Variants in ATXN10 observed in about 807,000 individuals in gnomAD.
The protein encoded by ATXN10 is ataxin 10.
A neutral mutation model predicts 52.9 loss-of-function variants in ATXN10; 28 were observed. The observed-to-expected ratio is 0.53, with a 90% CI of 0.39 to 0.73. The LOEUF (loss-of-function observed/expected upper bound fraction) is 0.73. Ranked by LOEUF, ATXN10 falls within the 30% of genes least tolerant of loss-of-function variation. The pLI is 0.00. For synonymous variants in ATXN10, 226 were observed against 221.5 expected, an observed-to-expected ratio of 1.02 and a Z score of -0.18; for missense variants, 565 against 577.0, an observed-to-expected ratio of 0.98 and a Z score of 0.21.
At position 45,693,084 on chromosome 22, in the gene ATXN10, A is replaced by G. The variant is rs778717907; in HGVS notation, c.391+6A>G. On this transcript the variant is annotated splice_donor_region_variant and intron_variant, in intron 3 of 11. Coordinates refer to ENST00000252934, the MANE Select transcript of ATXN10 (RefSeq NM_013236.4). ...ACAGGAATCTCTGTTGACAGGTAGC[A>G]TGCAATATAATTCATGGATTATTTA... 4.9e-5 allele frequency: 79 copies of G among 1,610,712 alleles called. No individual in the cohort carries two copies. Among genetic ancestry groups the G allele is most frequent in the Non-Finnish European group, 2.1e-5 (25 of 1,177,038 alleles).
At chr22:45,729,302 C>T (rs1924993573) in intron 6 of ATXN10, 123 bp from the exon 7 acceptor site, 1 of 956,260 alleles carries the variant, frequency 1.0e-6, no homozygotes, top group East Asian at 2.6e-5. Flanking sequence ...CCTAGCTAGA[C>T]ATTAGAAGCA....
rs1242821999 is a variant in ATXN10 at position 45,828,731 on chromosome 22, A to G, written c.1238-14260A>G. ...TATAGTAAGTACTATAGTAAGTACTATAAGTTACTAGTTATAGTAAGACAA... is the reference window on the plus strand; with the variant it reads ...TATAGTAAGTACTATAGTAAGTACTGTAAGTTACTAGTTATAGTAAGACAA... On this transcript the variant is annotated intron_variant, in intron 10 of 11. Coordinates refer to ENST00000252934, the MANE Select transcript of ATXN10 (RefSeq NM_013236.4). This position sits in a 1 kb window ranked among gnomAD's most constrained non-coding sequence, Gnocchi z 4.5. Among the ~76,000 whole-genome samples the G allele has an allele frequency of 1.3e-5, 2 of 152,236 alleles. No individual in the cohort carries two copies. Among genetic ancestry groups the G allele is most frequent in the African/African-American group, 2.4e-5 (1 of 41,472 alleles).
At chr22:45,794,758 A>G (rs1439563531) in intron 9 of ATXN10, among the ~76,000 whole-genome samples, 2 of 152,236 alleles carry the variant, frequency 1.3e-5, no homozygotes, top group Non-Finnish European at 2.9e-5. Flanking sequence ...CAAAAAAAAG[A>G]AGGTAAAATG....
chr22:45,675,623 C>T (rs921337922), intron 1 of ATXN10: 1 of 152,272 alleles, frequency 6.6e-6, no homozygotes, highest in African/African-American at 2.4e-5. Context: ...GATGAACTAC[C>T]TTGGAAGCAG....
chr22:45,713,999 A>G (rs1035346354), intron 5 of ATXN10, among the ~76,000 whole-genome samples: 2 of 152,192 alleles, frequency 1.3e-5, no homozygotes, highest in African/African-American at 4.8e-5. Flanking sequence ...TGATTGTAGA[A>G]TAAATTCATA....
chr22:45,727,327 ATCTATATC>A lies in ATXN10; in HGVS notation c.729-2096_729-2089del, dbSNP rs941341577. ...TATAGTTCTGTCTGTCTGTCTATCT[ATCTATATC>A]TATCTATCTATCTATCTATCTATCT... On this transcript the variant is annotated intron_variant, in intron 6 of 11. Coordinates refer to ENST00000252934, the MANE Select transcript of ATXN10 (RefSeq NM_013236.4). The surrounding 1 kb of genome is among the most constrained non-coding windows in gnomAD (Gnocchi z 4.6). Among the ~76,000 whole-genome samples, 5 of 125,542 alleles carry A rather than the reference ATCTATATC, an allele frequency of 4.0e-5. No individual in the cohort carries two copies. Among genetic ancestry groups the A allele is most frequent in the African/African-American group, 1.2e-4 (4 of 32,124 alleles). The allele number at this position is 125,542 out of a possible 152,430, so 82.4% of individuals were successfully genotyped here.
chr22:45,751,740 G>GAAAAAAAAAA (rs200364242), intron 9 of ATXN10, among the ~76,000 whole-genome samples: 5 of 45,470 alleles, frequency 1.1e-4, no homozygotes, highest in Admixed American at 2.5e-4. Context: ...CCTTTTTCTG[G>GAAAAAAAAAA]AAAAAAAAAA....
intron 9 of ATXN10, among the ~76,000 whole-genome samples, chr22:45,782,863 A>G (rs1375735516): frequency 6.6e-6 from 1 of 152,222 alleles, no homozygotes; most frequent in Non-Finnish European, 1.5e-5. Flanking sequence ...AACCCTATGT[A>G]TGTGAGGTTT....
chr22:45,841,122 G>A lies in ATXN10; in HGVS notation c.1238-1869G>A, dbSNP rs6006814. Among the ~76,000 whole-genome samples, 5,833 of 152,192 alleles carry A rather than the reference G, an allele frequency of 0.038. 378 individuals are homozygous for A. Among genetic ancestry groups the A allele is most frequent in the African/African-American group, 0.13 (5,579 of 41,494 alleles). ...GGTTCAGTGATCATGGAAAAGAGGC[G>A]GATATTCAAATTTAGGTTTAATGCC... On this transcript the variant is annotated intron_variant, in intron 10 of 11. Coordinates refer to ENST00000252934, the MANE Select transcript of ATXN10 (RefSeq NM_013236.4). The surrounding 1 kb of genome is among the most constrained non-coding windows in gnomAD (Gnocchi z 5.1).
At chr22:45,719,072 C>G (rs1213872229) in intron 6 of ATXN10, among the ~76,000 whole-genome samples, 1 of 150,364 alleles carries the variant, frequency 6.7e-6, no homozygotes, top group East Asian at 1.9e-4. Context: ...TTTTCCTAAA[C>G]CTCTATGGTA....
chr22:45,729,250 A>T (rs1296898259), intron 6 of ATXN10, among the ~76,000 whole-genome samples, 175 bp from the exon 7 acceptor site: 2 of 152,262 alleles, frequency 1.3e-5, no homozygotes, highest in African/African-American at 4.8e-5. Context: ...GAAGAATTTA[A>T]AAAATAGGTG....
rs1905158940 is a variant in ATXN10 at position 45,757,112 on chromosome 22, A to C, written c.1173+16574A>C. ...CTTTGGTCTGCACCTGCAGCTCTGGACGGACTGCCTGGGGCTGGGGCTGTG... is the reference window on the plus strand; with the variant it reads ...CTTTGGTCTGCACCTGCAGCTCTGGCCGGACTGCCTGGGGCTGGGGCTGTG... On this transcript the variant is annotated intron_variant, in intron 9 of 11. Transcript: ENST00000252934. This position sits in a 1 kb window ranked among gnomAD's most constrained non-coding sequence, Gnocchi z 4.6. Among the ~76,000 whole-genome samples, 1 of 152,042 alleles carries C rather than the reference A, an allele frequency of 6.6e-6. No homozygotes were observed. Among genetic ancestry groups the C allele is most frequent in the African/African-American group, 2.4e-5 (1 of 41,382 alleles).
At position 45,703,260 on chromosome 22, in the gene ATXN10, C is replaced by G. The variant is rs73441157; in HGVS notation, c.647+413C>G. ...TAGAGACTGCCATTCAAATTGCCCC[C>G]CGATACATAATGTACTGCCACCCTT... On this transcript the variant is annotated intron_variant, in intron 5 of 11. Transcript: ENST00000252934. Among the ~76,000 whole-genome samples the G allele has an allele frequency of 3.2e-3, 489 of 152,240 alleles. 4 individuals are homozygous for G. Among genetic ancestry groups the G allele is most frequent in the African/African-American group, 0.011 (455 of 41,558 alleles).
At chr22:45,836,126 G>C (rs573454266) in intron 10 of ATXN10, among the ~76,000 whole-genome samples, 3 of 152,302 alleles carry the variant, frequency 2.0e-5, no homozygotes, top group African/African-American at 7.2e-5. Context: ...TGAACACATA[G>C]TTTCCAGCGT....
rs562476590 is a variant in ATXN10 at position 45,683,414 on chromosome 22, G to C, written c.117-6298G>C. 6.6e-6 allele frequency among the ~76,000 whole-genome samples: 1 copy of C among 152,092 alleles called. No homozygotes were observed. The highest frequency in any genetic ancestry group is 2.1e-4 in the South Asian group (1 of 4,818). On this transcript the variant is annotated intron_variant, in intron 1 of 11. Coordinates refer to ENST00000252934, the MANE Select transcript of ATXN10 (RefSeq NM_013236.4). This position sits in a 1 kb window ranked among gnomAD's most constrained non-coding sequence, Gnocchi z 4.8. ...TACTGTGCCTGTCCAGGGTGGCTCT[G>C]TCTTGTCTCTCTGAGTCGCACTTCT...
chr22:45,811,982 G>A (rs1010551845), intron 10 of ATXN10, among the ~76,000 whole-genome samples: 6 of 152,132 alleles, frequency 3.9e-5, no homozygotes, highest in Admixed American at 6.5e-5. Context: ...CTCTTCATTT[G>A]TATCCAGTGC....
rs1258086876 is a variant in ATXN10 at position 45,754,690 on chromosome 22, T to G, written c.1173+14152T>G. Among the ~76,000 whole-genome samples, 1 of 152,130 alleles carries G rather than the reference T, an allele frequency of 6.6e-6. No individual in the cohort carries two copies. The highest frequency in any genetic ancestry group is 2.4e-5 in the African/African-American group (1 of 41,422). ...CAACATGGTGAAACCCCGACTCTAC[T>G]AAAAATACAAAAAAATTAGCCAGAT... On this transcript the variant is annotated intron_variant, in intron 9 of 11. Coordinates refer to ENST00000252934, the MANE Select transcript of ATXN10 (RefSeq NM_013236.4). This position sits in a 1 kb window ranked among gnomAD's most constrained non-coding sequence, Gnocchi z 5.4.
At position 45,683,937 on chromosome 22, in the gene ATXN10, T is replaced by A. The variant is rs1290661412; in HGVS notation, c.117-5775T>A. 6.6e-6 allele frequency among the ~76,000 whole-genome samples: 1 copy of A among 152,138 alleles called. No homozygotes were observed. Among genetic ancestry groups the A allele is most frequent in the Non-Finnish European group, 1.5e-5 (1 of 68,018 alleles). ...GCTAATTTCACCTTTTCTTAGCTTC[T>A]CTTTCATTTTCTTCTCTTTTCATGT... On this transcript the variant is annotated intron_variant, in intron 1 of 11. Transcript: ENST00000252934. The surrounding 1 kb of genome is among the most constrained non-coding windows in gnomAD (Gnocchi z 4.8).
chr22:45,719,489 A>G (rs1924567866), intron 6 of ATXN10, among the ~76,000 whole-genome samples: 1 of 152,132 alleles, frequency 6.6e-6, no homozygotes, highest in Non-Finnish European at 1.5e-5. Flanking sequence ...CCCATTACAG[A>G]TAGAGAAGTA....
Sources: allele counts gnomAD v4.1 joint callset (sites outside exome capture counted in the v4.1 genomes callset), GRCh38; gene constraint gnomAD v4.1.1; non-coding constraint Gnocchi (gnomAD v3.1); transcripts MANE v1.5; gene names NCBI Gene and HGNC (gene_info 2026-07-23, HGNC 2026-07-21).